Variants in PLET1 observed in about 807,000 individuals in gnomAD.
PLET1 encodes the protein placenta-expressed transcript 1 protein.
In PLET1, 20 loss-of-function variants were observed where a neutral mutation model predicts 18.5. That is an observed-to-expected ratio of 1.08 (90% CI 0.76 to 1.57). The LOEUF is 1.57. Among genes scored for constraint, PLET1 ranks in the 40% most tolerant of loss-of-function variants. The pLI is 0.00. For synonymous variants in PLET1, 93 were observed against 93.8 expected (o/e 0.99, Z 0.05); for missense variants, 256 against 246.4 (o/e 1.04, Z -0.26).
At position 112,248,951 on chromosome 11, in the gene PLET1, T is replaced by C; in HGVS notation, c.472A>G (p.Lys158Glu). 6.4e-7 allele frequency: 1 copy of C among 1,550,714 alleles called. No homozygotes were observed. The highest frequency in any genetic ancestry group is 8.7e-7 in the Non-Finnish European group (1 of 1,146,980). ...TTGAAGGCTGAGCTCTGGGGAATCT[T>C]GGCAGCTAAGGCTAAGGTTGACACT... is the stretch of plus-strand genomic sequence containing the variant. ...EKLSTLALAA[K>E]IPQSSAFKPF... Residue 158 changes from lysine (K) to glutamate (E), a missense_variant, in exon 4 of 4, where the codon AAG (lysine) becomes GAG (glutamate). Physicochemically the swap from Lys to Glu is moderately conservative, Grantham distance 56. Transcript: ENST00000338832.
chr11:112,258,623 C>G (rs532986384), intron 1 of PLET1, among the ~76,000 whole-genome samples: 4 of 152,282 alleles, frequency 2.6e-5, no homozygotes, highest in South Asian at 4.1e-4. Flanking sequence ...CAAAATCTTT[C>G]ACCTGGAGAG....
At chr11:112,252,800 T>C (rs1336826580) in intron 2 of PLET1, among the ~76,000 whole-genome samples, 1 of 152,234 alleles carries the variant, frequency 6.6e-6, no homozygotes, top group African/African-American at 2.4e-5. Flanking sequence ...TGATGCTCTG[T>C]TGCACTGACT....
Position 112,252,029 on chromosome 11 carries a change from T to G in PLET1, c.448+319A>C, listed in dbSNP as rs116108036. On this transcript the variant is annotated intron_variant, in intron 3 of 3. Transcript: ENST00000338832. ...AATTATTTGTGGAAATTGAGGAAGA[T>G]GTTTTCACATTGTGTCTATGTGGTA... Among the ~76,000 whole-genome samples, 784 of 152,332 alleles carry G rather than the reference T, an allele frequency of 5.1e-3. 7 individuals are homozygous for G. The highest frequency in any genetic ancestry group is 0.018 in the African/African-American group (746 of 41,576).
chr11:112,252,200 T>C, intron 3 of PLET1, 148 bp downstream of exon 3: 1 of 739,158 alleles, frequency 1.4e-6, no homozygotes, highest in South Asian at 1.6e-5. Context: ...AAATATTCTA[T>C]AGGTCTCAAG....
At chr11:112,259,180 C>T (rs1860259107) in intron 1 of PLET1, among the ~76,000 whole-genome samples, 1 of 152,174 alleles carries the variant, frequency 6.6e-6, no homozygotes, top group South Asian at 2.1e-4. Context: ...ATGCCCAGCA[C>T]ATCGTAAGAA....
At chr11:112,254,653 CTGTGTGT>C in intron 2 of PLET1, among the ~76,000 whole-genome samples, 1 of 65,054 alleles carries the variant, frequency 1.5e-5, no homozygotes, top group East Asian at 5.7e-4. Flanking sequence ...GTGGTGTGTG[CTGTGTGT>C]GTGATGTGTA....
In PLET1 at chr11:112,260,674, G is replaced by T; in HGVS notation, c.-85C>A. 2.4e-6 allele frequency: 3 copies of T among 1,238,512 alleles called. No individual in the cohort carries two copies. Among genetic ancestry groups the T allele is most frequent in the South Asian group, 3.0e-5 (2 of 66,848 alleles). The allele number at this position is 1,238,512 out of a possible 1,614,324, so 76.7% of individuals were successfully genotyped here. A position where few individuals can be genotyped will look rare whatever the true frequency, so the allele number is the denominator to read the frequency against. On this transcript the variant is annotated 5_prime_UTR_variant, in exon 1 of 4. Transcript: ENST00000338832. Reference sequence around the variant, plus strand: ...CTTGTTTATATGCCAGGGCTTCTGGGTGAAGTCATACATGCAGATCTTCTC... The same window carrying T: ...CTTGTTTATATGCCAGGGCTTCTGGTTGAAGTCATACATGCAGATCTTCTC...
intron 2 of PLET1, among the ~76,000 whole-genome samples, chr11:112,254,021 A>G (rs1860184581): frequency 6.6e-6 from 1 of 152,212 alleles, no homozygotes; most frequent in African/African-American, 2.4e-5. Flanking sequence ...GAGTGTGTCC[A>G]TTTTGTGTGA....
intron 1 of PLET1, among the ~76,000 whole-genome samples, chr11:112,257,372 CT>C (rs5794786): frequency 0.016 from 2,294 of 145,578 alleles, 63 homozygotes; most frequent in African/African-American, 0.053. Flanking sequence ...ACTCTCGTTC[CT>C]TTTTTTTTTT....
intron 2 of PLET1, among the ~76,000 whole-genome samples, chr11:112,252,704 A>G (rs934604112): frequency 3.9e-5 from 6 of 152,138 alleles, no homozygotes; most frequent in Middle Eastern, 3.2e-3. Context: ...CCCTCTGCCT[A>G]TAATACCTGT....
At chr11:112,259,894 C>T (rs945510469) in intron 1 of PLET1, among the ~76,000 whole-genome samples, 2 of 152,020 alleles carry the variant, frequency 1.3e-5, no homozygotes, top group African/African-American at 4.8e-5. Flanking sequence ...AAAAATTAGC[C>T]AGGCGTGGTG....
At chr11:112,251,898 TATG>T (rs547400467) in intron 3 of PLET1, among the ~76,000 whole-genome samples, 51 of 152,366 alleles carry the variant, frequency 3.3e-4, no homozygotes, top group African/African-American at 1.1e-3. Context: ...TTGCTATTTC[TATG>T]ATATCAATCC....
chr11:112,250,174 T>C (rs1860139790), intron 3 of PLET1, among the ~76,000 whole-genome samples: 1 of 148,030 alleles, frequency 6.8e-6, no homozygotes. Context: ...TTTTTTTAAC[T>C]GGATTTTGTT....
At chr11:112,252,322 T>G (rs1405644563) in intron 3 of PLET1, 26 bp downstream of exon 3, 5 of 1,540,170 alleles carry the variant, frequency 3.2e-6, no homozygotes, top group Non-Finnish European at 3.5e-6. Flanking sequence ...TTGCAAGACT[T>G]GCAAATGGGC....
chr11:112,258,503 C>T (rs1017623073), intron 1 of PLET1, among the ~76,000 whole-genome samples: 4 of 152,034 alleles, frequency 2.6e-5, no homozygotes, highest in African/African-American at 7.2e-5. Context: ...AGTCTGGTCT[C>T]GAACTCTTGA....
At chr11:112,250,220 C>CTTTTTTTTTTTTTTTTTTTTT (rs33963716) in intron 3 of PLET1, among the ~76,000 whole-genome samples, 21 of 49,860 alleles carry the variant, frequency 4.2e-4, no homozygotes, top group Middle Eastern at 0.021. Context: ...AGAAACAAAC[C>CTTTTTTTTTTTTTTTTTTTTT]TTTTTTTTTT....
At chr11:112,252,877 T>C (rs1206904407) in intron 2 of PLET1, among the ~76,000 whole-genome samples, 1 of 152,206 alleles carries the variant, frequency 6.6e-6, no homozygotes, top group East Asian at 1.9e-4. Context: ...CAACAGTGCC[T>C]GACATATCAT....
At position 112,248,888 on chromosome 11, in the gene PLET1, C is replaced by T. The variant is rs373254138; in HGVS notation, c.535G>A (p.Glu179Lys). 236 of 1,551,316 alleles carry T rather than the reference C, an allele frequency of 1.5e-4. 1 individual carries two copies. The highest frequency in any genetic ancestry group is 9.4e-4 in the Admixed American group (48 of 50,960). The change falls in exon 4 of 4, where the codon GAA (glutamate) becomes AAA (lysine). Residue 179 changes from glutamate to lysine, a missense_variant. Transcript: ENST00000338832. Reference protein sequence around the residue: ...FMITPKSIRLEGLANQVFSSP... With the variant: ...FMITPKSIRLKGLANQVFSSP... The stretch of plus-strand genomic sequence containing the variant: ...CTGAAGACTTGGTTGGCCAAGCCTT[C>T]GAGTCTGATACTCTTGGGTGTAATC...
At chr11:112,253,165 A>T (rs1355159307) in intron 2 of PLET1, among the ~76,000 whole-genome samples, 1 of 152,174 alleles carries the variant, frequency 6.6e-6, no homozygotes, top group Non-Finnish European at 1.5e-5. Flanking sequence ...AAGGGGAAGA[A>T]ATTCTGAGAG....
Sources: allele counts gnomAD v4.1 joint callset (sites outside exome capture counted in the v4.1 genomes callset), GRCh38; gene constraint gnomAD v4.1.1; transcripts MANE v1.5; gene names NCBI Gene and HGNC (gene_info 2026-07-23, HGNC 2026-07-21).